SLC44A5: variants seen among roughly 807,000 people sequenced by gnomAD.
SLC44A5 encodes choline transporter-like protein 5.
Under a neutral mutation model 101.8 loss-of-function variants are expected in SLC44A5, and 57 were observed. That is an observed-to-expected ratio of 0.56 (90% confidence interval 0.45 to 0.70). SLC44A5 has a LOEUF of 0.70. Ranked by LOEUF, SLC44A5 falls within the 30% of genes least tolerant of loss-of-function variation. SLC44A5 has a pLI of 0.00. For missense variants in SLC44A5, 737 were observed against 853.1 expected, an observed-to-expected ratio of 0.86 and a Z score of 1.70; for synonymous variants, 281 against 290.9, an observed-to-expected ratio of 0.97 and a Z score of 0.35.
chr1:75,266,876 G>T (rs1167634378), intron 6 of SLC44A5, among the ~76,000 whole-genome samples: 6 of 152,198 alleles, frequency 3.9e-5, no homozygotes, highest in Admixed American at 1.3e-4. Context: ...ATAAATTCAG[G>T]CAGTGATAAG....
intron 4 of SLC44A5, among the ~76,000 whole-genome samples, chr1:75,321,439 T>C (rs1007295174): frequency 5.3e-5 from 8 of 149,810 alleles, no homozygotes; most frequent in Non-Finnish European, 1.2e-4. Context: ...TCTTGCTGTA[T>C]TGTTATATGG....
chr1:75,616,691 A>G, the SLC44A5 span, among the ~76,000 whole-genome samples: 1 of 152,088 alleles, frequency 6.6e-6, no homozygotes. Context: ...AGAAGGAAAG[A>G]GGGGAGAGGG....
In SLC44A5 at chr1:75,558,510, A is replaced by G. The variant is rs532682109; in HGVS notation, c.-69-16994T>C. Among the ~76,000 whole-genome samples the G allele has an allele frequency of 2.8e-3, 423 of 152,210 alleles. 8 individuals carry two copies. The South Asian group carries it at 0.037, about 13-fold the overall frequency. On this transcript the variant is annotated intron_variant, in intron 1 of 23. Coordinates refer to ENST00000370859, the MANE Select transcript of SLC44A5 (RefSeq NM_001130058.2). The stretch of plus-strand genomic sequence containing the variant: ...AGCAAGTACACACCGTTGATTTGCC[A>G]TTCCACTCAGAGAAGAGGAAAAACT...
Position 75,564,603 on chromosome 1 carries a change from T to TTATTTA in SLC44A5, c.-69-23088_-69-23087insTAAATA, listed in dbSNP as rs1672690615. Among the ~76,000 whole-genome samples the TTATTTA allele has an allele frequency of 4.1e-4, 56 of 138,072 alleles. 1 individual carries two copies. Among genetic ancestry groups the TTATTTA allele is most frequent in the Admixed American group, 1.8e-3 (24 of 13,658 alleles). 90.6% of individuals were successfully genotyped at this position (138,072 alleles called of 152,430 possible). On this transcript the variant is annotated intron_variant, in intron 1 of 23. Coordinates refer to ENST00000370859, the MANE Select transcript of SLC44A5 (RefSeq NM_001130058.2). Reference sequence around the variant, plus strand: ...TTTATTTATTTACTTTTTTTTTAATTTTTATTTATTTATTTATTTATTTAT... The same window carrying TTATTTA: ...TTTATTTATTTACTTTTTTTTTAATTTATTTATTTATTTATTTATTTATTTATTTAT...
rs187420481 is a variant in SLC44A5 at position 75,246,964 on chromosome 1, T to C, written c.346-3953A>G. Among the ~76,000 whole-genome samples, 6 of 152,138 alleles carry C rather than the reference T, an allele frequency of 3.9e-5. No homozygotes were observed. In the East Asian group the frequency reaches 7.8e-4, roughly 20 times the overall value. The stretch of plus-strand genomic sequence containing the variant: ...AGACAGTGAAGGATCTTACAGGTCA[T>C]TGTTAGGACCTTGGCTTTTCATATA... On this transcript the variant is annotated intron_variant, in intron 7 of 23. Coordinates refer to ENST00000370859, the MANE Select transcript of SLC44A5 (RefSeq NM_001130058.2).
intron 2 of SLC44A5, among the ~76,000 whole-genome samples, chr1:75,427,700 G>T (rs544325295): frequency 5.4e-4 from 82 of 152,234 alleles, no homozygotes; most frequent in Non-Finnish European, 8.4e-4. Context: ...AATCTTTTGT[G>T]CCTCTATTTC....
intron 1 of SLC44A5, among the ~76,000 whole-genome samples, chr1:75,600,956 A>G (rs1346206356): frequency 6.6e-6 from 1 of 152,220 alleles, no homozygotes; most frequent in Non-Finnish European, 1.5e-5. Context: ...AAAGAGAGAC[A>G]GTGAGAAGAA....
intron 2 of SLC44A5, among the ~76,000 whole-genome samples, chr1:75,455,261 C>T (rs377462552): frequency 6.6e-5 from 10 of 151,952 alleles, no homozygotes; most frequent in East Asian, 3.9e-4. Context: ...ATAAACAATG[C>T]GGAAAGGACT....
chr1:75,205,713 CCTT>C (rs1646739186), intron 23 of SLC44A5: 1 of 152,142 alleles, frequency 6.6e-6, no homozygotes, highest in African/African-American at 2.4e-5. Flanking sequence ...CAAAATCAAA[CCTT>C]CTGTAGAACA....
At position 75,233,937 on chromosome 1, in the gene SLC44A5, T is replaced by A. The variant is rs1388428545; in HGVS notation, c.853+49A>T. On this transcript the variant is annotated intron_variant, in intron 12 of 23. Transcript: ENST00000370859. ...GGTAACTGATAACAGCGATTGAAAA[T>A]AAAAGGATTATTCTGATATTTGATA... The A allele has an allele frequency of 5.9e-6, 8 of 1,345,136 alleles. 1 individual carries two copies. Among genetic ancestry groups the A allele is most frequent in the Non-Finnish European group, 8.4e-6 (8 of 948,376 alleles). The allele number at this position is 1,345,136 out of a possible 1,614,324, so 83.3% of individuals were successfully genotyped here. A position where few individuals can be genotyped will look rare whatever the true frequency, so the allele number is the denominator to read the frequency against.
At chr1:75,675,829 A>G in the SLC44A5 span, among the ~76,000 whole-genome samples, 5 of 152,232 alleles carry the variant, frequency 3.3e-5, no homozygotes, top group Non-Finnish European at 4.4e-5. Context: ...AATATCCAGA[A>G]TCTACAAGGA....
chr1:75,429,712 G>A (rs1664504674), intron 2 of SLC44A5, among the ~76,000 whole-genome samples: 1 of 152,122 alleles, frequency 6.6e-6, no homozygotes, highest in African/African-American at 2.4e-5. Context: ...GCAAGAGAGA[G>A]TGAGAGATCA....
chr1:75,601,044 A>G (rs929080531), intron 1 of SLC44A5, among the ~76,000 whole-genome samples: 2 of 152,220 alleles, frequency 1.3e-5, no homozygotes. Context: ...AGTGAGCTCA[A>G]CATTAGTTCT....
the SLC44A5 span, among the ~76,000 whole-genome samples, chr1:75,646,889 G>A: frequency 6.6e-6 from 1 of 152,162 alleles, no homozygotes; most frequent in African/African-American, 2.4e-5. Flanking sequence ...AGGTGACAGA[G>A]CATAAAAGCT....
chr1:75,386,366 G>C (rs1229828992), intron 3 of SLC44A5, among the ~76,000 whole-genome samples: 2 of 152,046 alleles, frequency 1.3e-5, no homozygotes, highest in Non-Finnish European at 2.9e-5. Flanking sequence ...CAAAGTCTCA[G>C]GATACAAAAT....
At chr1:75,694,703 T>C in the SLC44A5 span, among the ~76,000 whole-genome samples, 2 of 152,154 alleles carry the variant, frequency 1.3e-5, no homozygotes, top group Non-Finnish European at 2.9e-5. Context: ...TTAAAATCTA[T>C]GTAAATGTGT....
At chr1:75,631,744 C>T in the SLC44A5 span, among the ~76,000 whole-genome samples, 1 of 151,908 alleles carries the variant, frequency 6.6e-6, no homozygotes, top group Non-Finnish European at 1.5e-5. Context: ...ACCATGTTGG[C>T]CAGGCCAGTC....
chr1:75,333,910 G>C (rs1368291861), intron 4 of SLC44A5, among the ~76,000 whole-genome samples: 4 of 152,140 alleles, frequency 2.6e-5, no homozygotes, highest in Non-Finnish European at 5.9e-5. Context: ...TCACACTTGA[G>C]TTCTTTCCAT....
the SLC44A5 span, among the ~76,000 whole-genome samples, chr1:75,645,354 G>T: frequency 1.3e-5 from 2 of 152,230 alleles, no homozygotes; most frequent in East Asian, 3.9e-4. Flanking sequence ...TTGTGGTTTT[G>T]ATTTGCATTT....
Sources: allele counts gnomAD v4.1 joint callset (sites outside exome capture counted in the v4.1 genomes callset), GRCh38; gene constraint gnomAD v4.1.1; transcripts MANE v1.5; gene names NCBI Gene and HGNC (gene_info 2026-07-23, HGNC 2026-07-21).